The following GCSAML variants were observed in gnomAD, a reference collection of about 807,000 sequenced individuals.
The protein encoded by GCSAML is germinal center associated signaling and motility like.
GCSAML carries 9 observed loss-of-function variants against 13.0 expected under a neutral mutation model. The observed-to-expected ratio is 0.69, with a 90% CI of 0.42 to 1.21. The LOEUF is 1.21. Among genes scored for constraint, GCSAML ranks in the 50% most tolerant of loss-of-function variants. The pLI is 0.00. For missense variants in GCSAML, 143 were observed against 153.4 expected, an observed-to-expected ratio of 0.93 and a Z score of 0.36; for synonymous variants, 37 against 52.9, an observed-to-expected ratio of 0.70 and a Z score of 1.31.
chr1:247,555,089 C>A (rs1441241103), intron 1 of GCSAML, among the ~76,000 whole-genome samples: 1 of 152,038 alleles, frequency 6.6e-6, no homozygotes, highest in Non-Finnish European at 1.5e-5. Context: ...AATTTAGTAT[C>A]CAGTTATATT....
upstream of GCSAML, among the ~76,000 whole-genome samples, chr1:247,548,475 CCTT>C (rs139330222): frequency 0.05 from 7,637 of 152,184 alleles, 615 homozygotes; most frequent in African/African-American, 0.17. The surrounding 1 kb of genome is among the most constrained non-coding windows in gnomAD (Gnocchi z 5.3). Flanking sequence ...ATTTTGATAA[CCTT>C]CTATTCTCAT....
chr1:247,521,921 G>T (rs1434464249), intron 1 of GCSAML, among the ~76,000 whole-genome samples: 1 of 151,532 alleles, frequency 6.6e-6, no homozygotes, highest in Non-Finnish European at 1.5e-5. Context: ...CCGCCATCCC[G>T]TCTAGGAAGT....
rs915316435 is a variant in GCSAML, at chr1:247,577,272, G to A, written c.*2890G>A. ...TACAAGAAAATGTAACCACTGTAAG[G>A]GTAGAGTTATAAGAATTTTGTCAAA... On this transcript the variant is annotated 3_prime_UTR_variant, in exon 5 of 5. Coordinates refer to ENST00000366488, the MANE Select transcript of GCSAML (RefSeq NM_145278.5). 2.0e-5 allele frequency: 3 copies of A among 152,076 alleles called. No homozygotes were observed. Among genetic ancestry groups the A allele is most frequent in the Admixed American group, 1.3e-4 (2 of 15,266 alleles). 9.4% of individuals were successfully genotyped at this position (152,076 alleles called of 1,614,324 possible).
Position 247,549,227 on chromosome 1 carries a change from CT to C in GCSAML, c.29+9del. 6.2e-7 allele frequency: 1 copy of C among 1,612,388 alleles called. No individual in the cohort carries two copies. The highest frequency in any genetic ancestry group is 8.5e-7 in the Non-Finnish European group (1 of 1,178,470). On this transcript the variant is annotated splice_region_variant and intron_variant, in intron 1 of 4. Coordinates refer to ENST00000366488, the MANE Select transcript of GCSAML (RefSeq NM_145278.5). ...ATCTCCTGCGAAAACTCAGGTGAGTCTTGACTCTTGGTGCCGCCTTTCTTGG... is the reference window on the plus strand; with the variant it reads ...ATCTCCTGCGAAAACTCAGGTGAGTCTGACTCTTGGTGCCGCCTTTCTTGG...
chr1:247,537,348 A>T (rs972120925), intron 2 of GCSAML, among the ~76,000 whole-genome samples: 5 of 152,068 alleles, frequency 3.3e-5, no homozygotes, highest in Non-Finnish European at 7.4e-5. Context: ...TGACTCTACC[A>T]CCTTTTGTTT....
chr1:247,557,837 G>T (rs1427169464), intron 2 of GCSAML, among the ~76,000 whole-genome samples: 1 of 152,180 alleles, frequency 6.6e-6, no homozygotes, highest in Non-Finnish European at 1.5e-5. Context: ...TTTATCAGCT[G>T]CTGTGAATCA....
At chr1:247,521,367 G>GTCTCCCTCTCCC (rs74163781) in intron 1 of GCSAML, among the ~76,000 whole-genome samples, 7 of 145,466 alleles carry the variant, frequency 4.8e-5, no homozygotes, top group East Asian at 2.0e-4. Flanking sequence ...CCTCTCCACG[G>GTCTCCCTCTCCC]TCTCCCTCTC....
chr1:247,574,259 C>T lies in GCSAML; in HGVS notation c.285C>T (p.Leu95=). Residue 95 remains leucine, a synonymous_variant, in exon 5 of 5, where the codon CTC becomes CTT. Coordinates refer to ENST00000366488, the MANE Select transcript of GCSAML (RefSeq NM_145278.5). ...NDDGYENIDS[L]TRKVRQFRER... ...ATGGCTATGAGAACATTGACTCCCT[C>T]ACAAGGAAAGTGAGACAGTTTAGAG... 1.2e-6 allele frequency: 2 copies of T among 1,614,096 alleles called. No homozygotes were observed. The highest frequency in any genetic ancestry group is 2.2e-5 in the South Asian group (2 of 91,082).
intron 2 of GCSAML, chr1:247,531,740 A>C (rs778407855): frequency 6.2e-7 from 1 of 1,614,170 alleles, no homozygotes; most frequent in Admixed American, 1.7e-5. Context: ...AGATACATGA[A>C]GATGATGCTC....
At chr1:247,534,725 CAG>C (rs1443801955) in intron 2 of GCSAML, among the ~76,000 whole-genome samples, 1 of 152,104 alleles carries the variant, frequency 6.6e-6, no homozygotes, top group Non-Finnish European at 1.5e-5. Context: ...CTTAAAATCC[CAG>C]AGAGTAGAAT....
chr1:247,549,059 G>A (rs765857616), upstream of GCSAML: 187 of 1,597,976 alleles, frequency 1.2e-4, 1 homozygote, highest in Non-Finnish European at 1.5e-4. Context: ...CTGGCAGCTC[G>A]TGGTTGGCAA....
Position 247,532,249 on chromosome 1 carries a change from C to T in GCSAML, c.-148+5195C>T. ...TCCATAGCTTATGGTTTTCTGTGGT[C>T]CCCAGAGGTTAGCCAGGAGCTGTGG... is the stretch of plus-strand genomic sequence containing the variant. On this transcript the variant is annotated intron_variant, in intron 2 of 5. Transcript: ENST00000366489. 1.9e-6 allele frequency: 3 copies of T among 1,614,172 alleles called. No individual in the cohort carries two copies. The South Asian group carries it at 3.3e-5, about 18-fold the overall frequency.
At chr1:247,560,582 CTTTAT>C (rs1203081586) in intron 2 of GCSAML, among the ~76,000 whole-genome samples, 3 of 151,972 alleles carry the variant, frequency 2.0e-5, no homozygotes, top group South Asian at 2.1e-4. Context: ...ATACATATGT[CTTTAT>C]TTTAATTTTT....
intron 2 of GCSAML, 33 bp downstream of exon 2, chr1:247,556,499 T>G (rs1178571399): frequency 1.4e-6 from 2 of 1,475,478 alleles, no homozygotes; most frequent in South Asian, 1.2e-5. Flanking sequence ...TTTTTTTGTT[T>G]TGTTTTGTTT....
chr1:247,542,651 T>C (rs77842923), intron 2 of GCSAML, among the ~76,000 whole-genome samples: 7,915 of 152,296 alleles, frequency 0.052, 286 homozygotes, highest in Non-Finnish European at 0.069. Flanking sequence ...GACATTTTAA[T>C]TTTACCTAAA....
At chr1:247,547,300 G>A (rs749493508), upstream of GCSAML, among the ~76,000 whole-genome samples, 1 of 152,092 alleles carries the variant, frequency 6.6e-6, no homozygotes, top group African/African-American at 2.4e-5. Context: ...GGATACCTAC[G>A]GCTTACTGAG....
At chr1:247,538,231 G>A (rs1018678356) in intron 2 of GCSAML, among the ~76,000 whole-genome samples, 5 of 152,174 alleles carry the variant, frequency 3.3e-5, no homozygotes, top group African/African-American at 9.7e-5. Flanking sequence ...TGTTGAACTG[G>A]ATATATGTGT....
intron 1 of GCSAML, among the ~76,000 whole-genome samples, chr1:247,508,887 C>G: frequency 6.6e-6 from 1 of 152,120 alleles, no homozygotes; most frequent in Non-Finnish European, 1.5e-5. Flanking sequence ...CGGTATCATG[C>G]TATTTTGGTT....
Position 247,527,908 on chromosome 1 carries a change from C to T in GCSAML, c.-148+854C>T, listed in dbSNP as rs1666746256. On this transcript the variant is annotated intron_variant, in intron 2 of 5. Coordinates refer to the GCSAML transcript ENST00000366489. This position sits in a 1 kb window ranked among gnomAD's most constrained non-coding sequence, Gnocchi z 4.6. ...CATTCCCCCACCCCTGCTATCCATT[C>T]CCAGCCTCAAGTATCCTCTGTTCTA... 1 of 151,984 alleles carries T rather than the reference C, an allele frequency of 6.6e-6. No individual in the cohort carries two copies. Among genetic ancestry groups the T allele is most frequent in the South Asian group, 2.1e-4 (1 of 4,810 alleles). The allele number at this position is 151,984 out of a possible 1,614,324, so 9.4% of individuals were successfully genotyped here.
Sources: allele counts gnomAD v4.1 joint callset (sites outside exome capture counted in the v4.1 genomes callset), GRCh38; gene constraint gnomAD v4.1.1; non-coding constraint Gnocchi (gnomAD v3.1); transcripts MANE v1.5; gene names NCBI Gene and HGNC (gene_info 2026-07-23, HGNC 2026-07-21).